Variants in HYDIN observed in about 807,000 individuals in gnomAD.
The protein encoded by HYDIN is axonemal central pair apparatus protein HYDIN.
A neutral mutation model predicts 403.9 loss-of-function variants in HYDIN; 132 were observed. The ratio of observed to expected loss-of-function variants is 0.33; its 90% CI spans 0.28 to 0.38. The LOEUF (loss-of-function observed/expected upper bound fraction) is 0.38. HYDIN is among the 10% of genes least tolerant of loss of function. HYDIN has a pLI of 1.00. For missense variants in HYDIN, 2,827 were observed against 5,009.5 expected (o/e 0.56, Z 13.15); for synonymous variants, 1,202 against 1,891.7 (o/e 0.64, Z 9.46).
chr16:70,844,325 C>G (rs1159161823), intron 75 of HYDIN, among the ~76,000 whole-genome samples: 1 of 126,212 alleles, frequency 7.9e-6, no homozygotes, highest in African/African-American at 3.7e-5. Flanking sequence ...GCTTGTTTTT[C>G]TCAGGTTTGT....
chr16:71,067,985 T>C (rs1244685619), intron 14 of HYDIN, among the ~76,000 whole-genome samples: 3 of 151,974 alleles, frequency 2.0e-5, no homozygotes, highest in Non-Finnish European at 4.4e-5. Context: ...CAGAACTCAT[T>C]GGTACTTAGA....
intron 55 of HYDIN, among the ~76,000 whole-genome samples, chr16:70,892,979 C>T (rs979963413): frequency 6.6e-6 from 1 of 152,158 alleles, no homozygotes; most frequent in African/African-American, 2.4e-5. Flanking sequence ...CCATGGCCTA[C>T]TGGAGGTGAG....
intron 10 of HYDIN, among the ~76,000 whole-genome samples, chr16:71,110,240 A>G (rs568554378): frequency 2.1e-5 from 3 of 146,180 alleles, no homozygotes; most frequent in Non-Finnish European, 3.0e-5. Flanking sequence ...GTATGTGTGT[A>G]TATATATATT....
chr16:70,937,148 G>A (rs951479271), intron 44 of HYDIN, among the ~76,000 whole-genome samples: 1 of 147,574 alleles, frequency 6.8e-6, no homozygotes, highest in South Asian at 2.1e-4. Context: ...ATGTGTGTGT[G>A]TGTGTGTGCG....
chr16:70,810,888 G>GA (rs2035453787), intron 84 of HYDIN, among the ~76,000 whole-genome samples: 1 of 152,040 alleles, frequency 6.6e-6, no homozygotes, highest in Non-Finnish European at 1.5e-5. Context: ...TGTTGATGTT[G>GA]ATGATATTTT....
chr16:70,825,748 T>C (rs1338515172), intron 83 of HYDIN, among the ~76,000 whole-genome samples: 1 of 151,870 alleles, frequency 6.6e-6, no homozygotes, highest in East Asian at 1.9e-4. Context: ...ATCGACTTTC[T>C]GTTTCTGTAG....
At chr16:71,187,502 G>C (rs186136419) in intron 1 of HYDIN, among the ~76,000 whole-genome samples, 222 of 152,264 alleles carry the variant, frequency 1.5e-3, no homozygotes, top group Admixed American at 2.7e-3. Flanking sequence ...ACTTCTGGTA[G>C]AACACTTGCA....
chr16:71,069,297 G>A lies in HYDIN; in HGVS notation c.1944C>T (p.Thr648=), dbSNP rs1387780918. 7 of 1,613,580 alleles carry A rather than the reference G, an allele frequency of 4.3e-6. No homozygotes were observed. The highest frequency in any genetic ancestry group is 5.9e-6 in the Non-Finnish European group (7 of 1,179,948). Reference sequence around the variant, plus strand: ...TAGCAGCAAATCCCTGGGGGCGAATGGTGCCACAGTCAGGAGAGATGGTGA... The same window carrying A: ...TAGCAGCAAATCCCTGGGGGCGAATAGTGCCACAGTCAGGAGAGATGGTGA... The part of the protein sequence containing the change: ...KEFTISPDCG[T]IRPQGFAAIR... The change falls in exon 14 of 86, where the codon ACC becomes ACT. Residue 648 remains threonine (T), a synonymous_variant. Coordinates refer to ENST00000393567, the MANE Select transcript of HYDIN (RefSeq NM_001270974.2).
chr16:71,191,211 ATTG>A (rs751704881), intron 1 of HYDIN, among the ~76,000 whole-genome samples: 8 of 152,278 alleles, frequency 5.3e-5, no homozygotes, highest in East Asian at 3.9e-4. Context: ...TAGTGTTGCT[ATTG>A]TTGTTGTTAT....
intron 45 of HYDIN, among the ~76,000 whole-genome samples, chr16:70,922,343 T>C (rs1207926446): frequency 6.6e-6 from 1 of 152,348 alleles, no homozygotes; most frequent in Admixed American, 6.5e-5. Flanking sequence ...TGCAAGACTG[T>C]GGGAGCCCAG....
rs1409891031 is a variant in HYDIN at position 71,067,370 on chromosome 16, A to G, written c.1995T>C (p.Thr665=). 1.2e-6 allele frequency: 2 copies of G among 1,611,342 alleles called. No individual in the cohort carries two copies. The highest frequency in any genetic ancestry group is 1.7e-5 in the Admixed American group (1 of 59,118). ...AAIRVTLCSN[T]VQKYELALVV... ...CGAGTGCCAGCTCGTATTTCTGCAC[A>G]GTGTTGGAGCATAATGTCACCTGGA... The change falls in exon 15 of 86, where the codon ACT becomes ACC. Residue 665 remains threonine, a synonymous_variant. Transcript: ENST00000393567.
chr16:70,884,145 G>C (rs2040981837), intron 58 of HYDIN, 21 bp from the exon 59 acceptor site: 2 of 1,551,622 alleles, frequency 1.3e-6, no homozygotes, highest in South Asian at 1.2e-5. Flanking sequence ...AGGGTGGGAG[G>C]GATAGGAGGC....
intron 85 of HYDIN, 61 bp downstream of exon 85, chr16:70,809,722 T>G: frequency 4.6e-6 from 6 of 1,302,104 alleles, no homozygotes; most frequent in African/African-American, 1.5e-5. Flanking sequence ...TCTCCTCTCA[T>G]TGTTTTTGAA....
chr16:71,010,620 G>T (rs1349325871), intron 23 of HYDIN, among the ~76,000 whole-genome samples: 1 of 151,986 alleles, frequency 6.6e-6, no homozygotes, highest in Non-Finnish European at 1.5e-5. Context: ...GAGGCTCAGG[G>T]AGGCTCAGCC....
At position 70,805,466 on chromosome 16, in the gene HYDIN, C is replaced by T. The variant is rs1466842833; in HGVS notation, c.*2114G>A. 3.3e-5 allele frequency among the ~76,000 whole-genome samples: 5 copies of T among 152,188 alleles called. No homozygotes were observed. The South Asian group carries it at 6.2e-4, about 19-fold the overall frequency. ...CTCACAGTCTGATTGGTCTCACCAA[C>T]GAGCATCACCAAGAACTGGTTAGAA... On this transcript the variant is annotated 3_prime_UTR_variant, in exon 86 of 86. Transcript: ENST00000393567.
intron 54 of HYDIN, 85 bp from the exon 55 acceptor site, chr16:70,894,633 G>GA (rs2041683917): frequency 1.3e-6 from 1 of 773,304 alleles, no homozygotes; most frequent in Admixed American, 3.2e-5. Context: ...AATTCACATG[G>GA]AAAACGCATG....
In HYDIN at chr16:70,910,525, A is replaced by T. The variant is rs192677197; in HGVS notation, c.8005-1664T>A. Among the ~76,000 whole-genome samples the T allele has an allele frequency of 4.1e-4, 63 of 152,150 alleles. 1 individual carries two copies. The highest frequency in any genetic ancestry group is 1.4e-3 in the African/African-American group (57 of 41,510). ...TGGTTCCACCATTTTGCAATTGTGA[A>T]TTGTGCTGCTATAAACATGTGTGTG... On this transcript the variant is annotated intron_variant, in intron 47 of 85. Coordinates refer to ENST00000393567, the MANE Select transcript of HYDIN (RefSeq NM_001270974.2).
At chr16:71,203,222 A>G (rs934377225) in intron 1 of HYDIN, among the ~76,000 whole-genome samples, 1 of 152,168 alleles carries the variant, frequency 6.6e-6, no homozygotes, top group African/African-American at 2.4e-5. Flanking sequence ...AGCAGTTCCA[A>G]ACTTTGAGAC....
chr16:71,228,465 G>GA (rs1281890702), intron 1 of HYDIN, among the ~76,000 whole-genome samples: 11 of 152,006 alleles, frequency 7.2e-5, no homozygotes, highest in East Asian at 1.9e-4. Flanking sequence ...AAATTTACAA[G>GA]AAAAAAACAA....
Sources: gnomAD v4.1 joint callset for allele counts (sites outside exome capture counted in the v4.1 genomes callset) on GRCh38, gnomAD v4.1.1 for gene constraint, MANE v1.5 for transcripts, NCBI Gene and HGNC (gene_info 2026-07-23, HGNC 2026-07-21) for gene names.